NAA35: variants seen among roughly 807,000 people sequenced by gnomAD.
NAA35 encodes N-alpha-acetyltransferase 35, NatC auxiliary subunit.
A neutral mutation model predicts 101.7 loss-of-function variants in NAA35; 18 were observed. The observed-to-expected ratio is 0.18, with a 90% confidence interval of 0.12 to 0.26. The LOEUF (loss-of-function observed/expected upper bound fraction) is 0.26, where lower values mean the gene tolerates loss of function less well. Among genes scored for constraint, NAA35 ranks in the 10% least tolerant of loss-of-function variants. The pLI is 1.00. For missense variants in NAA35, 601 were observed against 886.8 expected (o/e 0.68, Z 4.09); for synonymous variants, 267 against 273.1 (o/e 0.98, Z 0.22).
chr9:85,966,167 C>T (rs1454926121), intron 6 of NAA35, among the ~76,000 whole-genome samples: 3 of 152,084 alleles, frequency 2.0e-5, no homozygotes, highest in African/African-American at 7.2e-5. Context: ...TCTCAAACTG[C>T]AATGCTCAAG....
intron 3 of NAA35, among the ~76,000 whole-genome samples, chr9:85,957,794 A>C (rs1391674813): frequency 6.6e-6 from 1 of 152,198 alleles, no homozygotes; most frequent in African/African-American, 2.4e-5. Flanking sequence ...GTTGCAGGGA[A>C]GGGGAAGTAG....
intron 2 of NAA35, 41 bp from the exon 3 acceptor site, chr9:85,956,319 A>G: frequency 1.7e-6 from 2 of 1,200,858 alleles, no homozygotes; most frequent in Non-Finnish European, 2.3e-6. Context: ...TAAAAGTTAA[A>G]TATAAATATG....
chr9:85,965,996 C>T (rs767728193), intron 6 of NAA35, among the ~76,000 whole-genome samples: 10 of 152,092 alleles, frequency 6.6e-5, no homozygotes, highest in Non-Finnish European at 1.5e-4. Context: ...TGGAGTGCAG[C>T]GGCATGATCG....
chr9:85,952,288 G>T (rs200460955), intron 2 of NAA35, among the ~76,000 whole-genome samples: 1,921 of 116,420 alleles, frequency 0.017, 37 homozygotes, highest in African/African-American at 0.049. Context: ...AGTGTTTTTT[G>T]TTTTTTTTTT....
intron 11 of NAA35, among the ~76,000 whole-genome samples, chr9:85,988,549 C>T (rs745541263): frequency 7.2e-5 from 11 of 152,068 alleles, no homozygotes; most frequent in Non-Finnish European, 1.5e-4. Context: ...CCTGTAATCC[C>T]AGCACTTTGG....
At chr9:85,991,132 G>C (rs867949810) in intron 11 of NAA35, among the ~76,000 whole-genome samples, 2 of 152,054 alleles carry the variant, frequency 1.3e-5, no homozygotes, top group African/African-American at 4.8e-5. Context: ...CTGTATGTCA[G>C]GAGCCTAAGT....
rs775692627 is a variant in NAA35 at position 86,024,773 on chromosome 9, T to G, written c.*2813T>G. 3.3e-5 allele frequency among the ~76,000 whole-genome samples: 5 copies of G among 152,170 alleles called. No homozygotes were observed. The highest frequency in any genetic ancestry group is 5.9e-5 in the Non-Finnish European group (4 of 68,024). ...AAAGATTGCTTTAGACATTGAGATATCTTTGGGACATCCTGGTGAAGATGG... is the reference window on the plus strand; with the variant it reads ...AAAGATTGCTTTAGACATTGAGATAGCTTTGGGACATCCTGGTGAAGATGG... On this transcript the variant is annotated 3_prime_UTR_variant, in exon 23 of 23. Coordinates refer to ENST00000361671, the MANE Select transcript of NAA35 (RefSeq NM_024635.4).
chr9:85,955,461 C>G (rs1057156589), intron 2 of NAA35, among the ~76,000 whole-genome samples: 1 of 144,056 alleles, frequency 6.9e-6, no homozygotes, highest in Admixed American at 7.0e-5. Context: ...TTCCTTGGTT[C>G]ACGCCATTCT....
chr9:86,000,410 C>T (rs916433444), intron 12 of NAA35, among the ~76,000 whole-genome samples: 1 of 151,916 alleles, frequency 6.6e-6, no homozygotes, highest in African/African-American at 2.4e-5. Flanking sequence ...ATGCTAGCCT[C>T]ATAGAAGGAG....
chr9:85,964,643 C>T (rs1468062530), intron 6 of NAA35, among the ~76,000 whole-genome samples: 1 of 152,192 alleles, frequency 6.6e-6, no homozygotes, highest in Admixed American at 6.5e-5. Context: ...TGAACACAAC[C>T]TTATCCTGCT....
chr9:86,003,562 C>T lies in NAA35; in HGVS notation c.1057-23C>T, dbSNP rs773259231. ...TTTATTTAATCTATTAATGACATTG[C>T]TTTTTCTTTATATATCTGTTAGGAT... On this transcript the variant is annotated intron_variant, in intron 12 of 22. Coordinates refer to ENST00000361671, the MANE Select transcript of NAA35 (RefSeq NM_024635.4). 4 of 1,495,626 alleles carry T rather than the reference C, an allele frequency of 2.7e-6. No individual in the cohort carries two copies. In the Admixed American group the frequency reaches 7.1e-5, roughly 26 times the overall value. 92.6% of individuals were successfully genotyped at this position (1,495,626 alleles called of 1,614,324 possible). A position where few individuals can be genotyped will look rare whatever the true frequency, so the allele number is the denominator to read the frequency against.
At chr9:85,941,335 C>G (rs1034285772) in intron 1 of NAA35, 62 bp downstream of exon 1, 126 of 985,456 alleles carry the variant, frequency 1.3e-4, no homozygotes, top group Non-Finnish European at 1.5e-4. Flanking sequence ...GAGCCGCAGC[C>G]CCCCGCGCGT....
chr9:85,978,035 C>T (rs1227203992), intron 10 of NAA35, among the ~76,000 whole-genome samples: 2 of 150,126 alleles, frequency 1.3e-5, no homozygotes, highest in African/African-American at 4.9e-5. Flanking sequence ...AAAAAAAAAA[C>T]CAAAAATATT....
Position 85,951,112 on chromosome 9 carries a change from GGGGCGACA to G in NAA35, c.125-5246_125-5239del, listed in dbSNP as rs1167525952. Among the ~76,000 whole-genome samples, 5 of 151,026 alleles carry G rather than the reference GGGGCGACA, an allele frequency of 3.3e-5. No homozygotes were observed. The East Asian group carries it at 9.7e-4, about 29-fold the overall frequency. ...GAGATCACACCACTGCACTCCAGCCGGGGCGACAGAGTGAGACTCCATCTCAAAAAAAA... is the reference window on the plus strand; with the variant it reads ...GAGATCACACCACTGCACTCCAGCCGGAGTGAGACTCCATCTCAAAAAAAA... On this transcript the variant is annotated intron_variant, in intron 2 of 22. Transcript: ENST00000361671.
In NAA35 at chr9:85,984,024, C is replaced by CAAAA. The variant is rs146695687; in HGVS notation, c.877+5658_877+5661dup. ...AGAAGTATAGATCAGAAAATAGAAG[C>CAAAA]AAAAAAAAAAAAAAAAAATCACTGG... On this transcript the variant is annotated intron_variant, in intron 11 of 22. Coordinates refer to ENST00000361671, the MANE Select transcript of NAA35 (RefSeq NM_024635.4). Among the ~76,000 whole-genome samples the CAAAA allele has an allele frequency of 1.3e-4, 13 of 103,044 alleles. No individual in the cohort carries two copies. In the East Asian group the frequency reaches 2.7e-3, roughly 21 times the overall value. 67.6% of individuals were successfully genotyped at this position (103,044 alleles called of 152,430 possible).
At chr9:85,984,798 A>G (rs752598138) in intron 11 of NAA35, among the ~76,000 whole-genome samples, 1 of 152,176 alleles carries the variant, frequency 6.6e-6, no homozygotes, top group Non-Finnish European at 1.5e-5. Context: ...CAAAGATGCT[A>G]AGACAACTGG....
intron 17 of NAA35, chr9:86,015,632 T>C (rs960854882): frequency 1.4e-6 from 1 of 714,776 alleles, no homozygotes; most frequent in Non-Finnish European, 1.7e-6. Context: ...GATGACAGTT[T>C]GAGAACCATT....
chr9:85,941,896 C>G, intron 1 of NAA35: 5 of 1,173,416 alleles, frequency 4.3e-6, no homozygotes, highest in Non-Finnish European at 5.3e-6. Context: ...TGTGATTTTT[C>G]TTCTTAAACA....
At chr9:85,985,888 C>G (rs1830627296) in intron 11 of NAA35, among the ~76,000 whole-genome samples, 1 of 152,098 alleles carries the variant, frequency 6.6e-6, no homozygotes, top group Non-Finnish European at 1.5e-5. Flanking sequence ...CACTTAAAGT[C>G]TCAGAATTTA....
Sources: gnomAD v4.1 joint callset for allele counts (sites outside exome capture counted in the v4.1 genomes callset) on GRCh38, gnomAD v4.1.1 for gene constraint, MANE v1.5 for transcripts, NCBI Gene and HGNC (gene_info 2026-07-23, HGNC 2026-07-21) for gene names.